Variants in WDR47 observed in about 807,000 individuals in gnomAD.
WDR47 encodes WD repeat domain 47.
Under a neutral mutation model 97.2 loss-of-function variants are expected in WDR47, and 32 were observed. The ratio of observed to expected loss-of-function variants is 0.33; its 90% CI spans 0.25 to 0.44. WDR47 has a LOEUF of 0.44. Among genes scored for constraint, WDR47 ranks in the 20% least tolerant of loss-of-function variants. The probability of loss-of-function intolerance (pLI) is 1.00; values close to 1 mark genes in which losing one functional copy is unlikely to be tolerated. For missense variants in WDR47, 782 were observed against 1,102.3 expected (o/e 0.71, Z 4.11); for synonymous variants, 375 against 373.5 (o/e 1.00, Z -0.05).
intron 7 of WDR47, among the ~76,000 whole-genome samples, chr1:108,999,678 TAA>T (rs879553648): frequency 3.0e-5 from 4 of 134,922 alleles, no homozygotes; most frequent in Non-Finnish European, 4.9e-5. Flanking sequence ...TGTCTCAAAT[TAA>T]AAAAAAAAAA....
chr1:109,034,877 T>A (rs911387987), intron 1 of WDR47, among the ~76,000 whole-genome samples: 3 of 152,132 alleles, frequency 2.0e-5, no homozygotes, highest in Non-Finnish European at 4.4e-5. Flanking sequence ...CAGCTATCAA[T>A]AAATATTTGT....
chr1:109,009,633 TAGTC>T (rs1044621191), intron 5 of WDR47, among the ~76,000 whole-genome samples: 3 of 152,118 alleles, frequency 2.0e-5, no homozygotes, highest in Non-Finnish European at 4.4e-5. Flanking sequence ...ATATGGAAAA[TAGTC>T]ATGGTCTTTC....
At chr1:108,982,920 T>C (rs2101819077) in intron 11 of WDR47, 141 bp from the exon 12 acceptor site, 1 of 990,188 alleles carries the variant, frequency 1.0e-6, no homozygotes, top group Non-Finnish European at 1.4e-6. Context: ...ATTGGTATTA[T>C]AAGCAGTTTC....
rs1661023101 is a variant in WDR47, at chr1:109,011,304, G to A, written c.742C>T (p.Leu248Phe). The change falls in exon 5 of 15, where the codon CTT (leucine) becomes TTT (phenylalanine). Residue 248 changes from leucine (L) to phenylalanine (F), a missense_variant. By Grantham distance (22) the Leu-to-Phe change is conservative. Coordinates refer to ENST00000369962, the MANE Select transcript of WDR47 (RefSeq NM_001142551.2). ...AAGACAGAAGATGGAAGATTCTGAA[G>A]CCATGACAGTAAACTCAGATCCAAA... ...DDLDLSLLSW[L>F]QNLPSSVFSC... 6.2e-7 allele frequency: 1 copy of A among 1,614,212 alleles called. No individual in the cohort carries two copies. Among genetic ancestry groups the A allele is most frequent in the East Asian group, 2.2e-5 (1 of 44,890 alleles).
Position 108,988,764 on chromosome 1 carries a change from C to CT in WDR47, c.1768-2085dup, listed in dbSNP as rs879655204. On this transcript the variant is annotated intron_variant, in intron 9 of 14. Transcript: ENST00000369962. Reference sequence around the variant, plus strand: ...GAAACATTTGAATGTTTCATTTCTACTTTTTTTTTTTGAGATGGAGTATCG... The same window carrying CT: ...GAAACATTTGAATGTTTCATTTCTACTTTTTTTTTTTTGAGATGGAGTATCG... 5.7e-3 allele frequency among the ~76,000 whole-genome samples: 848 copies of CT among 147,768 alleles called. 3 individuals carry two copies. Among genetic ancestry groups the CT allele is most frequent in the African/African-American group, 0.017 (675 of 40,632 alleles).
intron 6 of WDR47, 143 bp downstream of exon 6, chr1:109,004,449 G>T: frequency 9.4e-7 from 1 of 1,061,238 alleles, no homozygotes; most frequent in Non-Finnish European, 1.3e-6. Flanking sequence ...AGAGAGGAGA[G>T]AAAATAAGCT....
chr1:109,010,785 T>C (rs991989119), intron 5 of WDR47, 131 bp downstream of exon 5: 58 of 874,466 alleles, frequency 6.6e-5, no homozygotes, highest in Non-Finnish European at 1.0e-4. Flanking sequence ...GGTTTCACCG[T>C]GTTAGCCAGG....
At chr1:108,973,212 T>C (rs1025545430) in intron 14 of WDR47, among the ~76,000 whole-genome samples, 1 of 148,826 alleles carries the variant, frequency 6.7e-6, no homozygotes, top group Non-Finnish European at 1.5e-5. Context: ...AAAATAGCCT[T>C]CCCCCTGCAG....
intron 14 of WDR47, among the ~76,000 whole-genome samples, chr1:108,972,520 G>A (rs1015922494): frequency 1.3e-5 from 2 of 152,146 alleles, no homozygotes; most frequent in African/African-American, 4.8e-5. Flanking sequence ...ATGTACCACT[G>A]TGGAAGGGGA....
At chr1:109,027,681 G>A (rs1002949430) in intron 1 of WDR47, among the ~76,000 whole-genome samples, 1 of 151,948 alleles carries the variant, frequency 6.6e-6, no homozygotes, top group Non-Finnish European at 1.5e-5. Context: ...CTGCCACCAC[G>A]CCCGGCTAAT....
chr1:108,973,185 C>T (rs1430386947), intron 14 of WDR47, among the ~76,000 whole-genome samples: 1 of 151,882 alleles, frequency 6.6e-6, no homozygotes, highest in Non-Finnish European at 1.5e-5. Context: ...GAGAGACCTA[C>T]TCCAATTATC....
intron 1 of WDR47, among the ~76,000 whole-genome samples, chr1:109,036,240 C>T (rs978874705): frequency 6.6e-6 from 1 of 152,024 alleles, no homozygotes; most frequent in African/African-American, 2.4e-5. Context: ...TTCCCACTCC[C>T]GTCATCCTCC....
chr1:109,029,294 G>A (rs1328147849), intron 1 of WDR47, among the ~76,000 whole-genome samples: 1 of 152,130 alleles, frequency 6.6e-6, no homozygotes, highest in African/African-American at 2.4e-5. Flanking sequence ...GGAGGCCGAG[G>A]CAGGTGGATC....
chr1:109,033,820 G>A (rs1662758722), intron 1 of WDR47, among the ~76,000 whole-genome samples: 1 of 152,268 alleles, frequency 6.6e-6, no homozygotes, highest in African/African-American at 2.4e-5. Flanking sequence ...TCAGGAGGCT[G>A]AGGCAGGAGA....
At chr1:108,997,360 C>G (rs1659830256) in intron 7 of WDR47, among the ~76,000 whole-genome samples, 1 of 151,228 alleles carries the variant, frequency 6.6e-6, no homozygotes, top group South Asian at 2.1e-4. Context: ...GAAGGATTGC[C>G]TGGGCCCAGG....
intron 1 of WDR47, among the ~76,000 whole-genome samples, chr1:109,041,355 A>G (rs947885308): frequency 6.6e-6 from 1 of 152,180 alleles, no homozygotes; most frequent in Non-Finnish European, 1.5e-5. Context: ...GATGTGAGAA[A>G]GGCCAAAACC....
chr1:108,989,602 A>C (rs1659161675), intron 9 of WDR47, among the ~76,000 whole-genome samples: 1 of 152,242 alleles, frequency 6.6e-6, no homozygotes, highest in South Asian at 2.1e-4. Context: ...AAAACGACTA[A>C]TTAACTAAAT....
At chr1:108,983,514 T>G in intron 10 of WDR47, 63 bp from the exon 11 acceptor site, 2 of 1,380,004 alleles carry the variant, frequency 1.4e-6, no homozygotes, top group Non-Finnish European at 1.9e-6. Flanking sequence ...GTTATGAGGT[T>G]CCATATTATA....
At chr1:108,993,453 C>A (rs1419872821) in intron 8 of WDR47, among the ~76,000 whole-genome samples, 3 of 151,996 alleles carry the variant, frequency 2.0e-5, no homozygotes, top group Non-Finnish European at 4.4e-5. Context: ...GAATTCTATA[C>A]CCAGCTATAC....
Sources: allele counts gnomAD v4.1 joint callset (sites outside exome capture counted in the v4.1 genomes callset), GRCh38; gene constraint gnomAD v4.1.1; transcripts MANE v1.5; gene names NCBI Gene and HGNC (gene_info 2026-07-23, HGNC 2026-07-21).